Variants in ST6GAL1 observed in about 807,000 individuals in gnomAD.
ST6GAL1 encodes the protein ST6 beta-galactoside alpha-2,6-sialyltransferase 1.
A neutral mutation model predicts 38.0 loss-of-function variants in ST6GAL1; 20 were observed. That is an observed-to-expected ratio of 0.53 (90% CI 0.37 to 0.77). The LOEUF is 0.77. Ranked by LOEUF, ST6GAL1 falls within the 30% of genes least tolerant of loss-of-function variation. ST6GAL1 has a pLI of 0.00. For missense variants in ST6GAL1, 432 were observed against 496.4 expected (o/e 0.87, Z 1.23); for synonymous variants, 196 against 188.2 (o/e 1.04, Z -0.34).
chr3:187,011,053 C>T (rs1716940882), intron 2 of ST6GAL1, among the ~76,000 whole-genome samples: 2 of 152,194 alleles, frequency 1.3e-5, no homozygotes, highest in African/African-American at 4.8e-5. Flanking sequence ...GGCGTTTTCT[C>T]TAACTTGGTC....
At chr3:186,994,352 G>C (rs1716292380) in intron 2 of ST6GAL1, among the ~76,000 whole-genome samples, 1 of 152,138 alleles carries the variant, frequency 6.6e-6, no homozygotes, top group South Asian at 2.1e-4. Flanking sequence ...AGTGTAACAT[G>C]GTAGTAAACT....
intron 5 of ST6GAL1, 170 bp from the exon 6 acceptor site, chr3:187,072,679 G>A (rs912993995): frequency 1.4e-6 from 1 of 691,900 alleles, no homozygotes; most frequent in Non-Finnish European, 2.7e-6. Context: ...ACACAGTGCA[G>A]GCTGGTATCT....
At chr3:186,933,696 A>G (rs1239066756) in intron 1 of ST6GAL1, among the ~76,000 whole-genome samples, 3 of 152,234 alleles carry the variant, frequency 2.0e-5, no homozygotes, top group African/African-American at 4.8e-5. Flanking sequence ...TGCTTGCCTA[A>G]TGATACACAA....
chr3:187,044,257 A>G (rs2108581458), intron 4 of ST6GAL1, among the ~76,000 whole-genome samples: 2 of 152,356 alleles, frequency 1.3e-5, no homozygotes, highest in Admixed American at 1.3e-4. Context: ...ATTATTTGAA[A>G]TGAATCAGCT....
chr3:186,992,117 C>G (rs1384326070), intron 2 of ST6GAL1, among the ~76,000 whole-genome samples: 1 of 152,126 alleles, frequency 6.6e-6, no homozygotes, highest in Non-Finnish European at 1.5e-5. Context: ...AGTACATGAC[C>G]ATTGATATGG....
chr3:187,031,597 C>T (rs1407604628), intron 2 of ST6GAL1, among the ~76,000 whole-genome samples: 3 of 151,922 alleles, frequency 2.0e-5, no homozygotes, highest in East Asian at 3.9e-4. Context: ...CACCACGCCC[C>T]GCTAGTTTTG....
chr3:187,015,577 C>G (rs1283719902), intron 2 of ST6GAL1, among the ~76,000 whole-genome samples: 1 of 152,142 alleles, frequency 6.6e-6, no homozygotes, highest in African/African-American at 2.4e-5. Context: ...GCAGCTCACG[C>G]CTGTAATCCC....
At chr3:187,055,954 G>T (rs1318069527) in intron 5 of ST6GAL1, among the ~76,000 whole-genome samples, 1 of 152,052 alleles carries the variant, frequency 6.6e-6, no homozygotes, top group Non-Finnish European at 1.5e-5. Context: ...TCTCTTTGTA[G>T]GTCTCTGAGG....
At position 186,995,041 on chromosome 3, in the gene ST6GAL1, A is replaced by G. The variant is rs191829422; in HGVS notation, c.-183+31115A>G. The stretch of plus-strand genomic sequence containing the variant: ...AAGTAAGTATTCCTTAATACCAGAT[A>G]TGGAGTCAATATTCAATTTTCCTCA... On this transcript the variant is annotated intron_variant, in intron 2 of 7. Coordinates refer to ENST00000169298, the MANE Select transcript of ST6GAL1 (RefSeq NM_173216.2). Among the ~76,000 whole-genome samples the G allele has an allele frequency of 5.3e-5, 8 of 152,290 alleles. No homozygotes were observed. The East Asian group carries it at 1.5e-3, about 29-fold the overall frequency.
At chr3:186,950,215 G>A (rs1206642234) in intron 1 of ST6GAL1, among the ~76,000 whole-genome samples, 1 of 152,194 alleles carries the variant, frequency 6.6e-6, no homozygotes, top group East Asian at 1.9e-4. Context: ...CAGTTGGGGC[G>A]GGGGCAGCAT....
At chr3:187,003,187 A>ACC (rs71167029) in intron 2 of ST6GAL1, among the ~76,000 whole-genome samples, 3 of 151,786 alleles carry the variant, frequency 2.0e-5, no homozygotes, top group African/African-American at 7.3e-5. Flanking sequence ...ACCAAACCAA[A>ACC]ACAACAACAG....
intron 4 of ST6GAL1, among the ~76,000 whole-genome samples, chr3:187,046,906 T>G (rs182071516): frequency 4.1e-4 from 62 of 152,364 alleles, no homozygotes; most frequent in Admixed American, 2.0e-3. Flanking sequence ...AAAACTTTAT[T>G]TACAAAATGA....
chr3:187,056,322 G>T (rs2108590866), intron 5 of ST6GAL1, among the ~76,000 whole-genome samples: 1 of 152,194 alleles, frequency 6.6e-6, no homozygotes, highest in Non-Finnish European at 1.5e-5. Flanking sequence ...TTAATATTAT[G>T]TGTGCATTTG....
At chr3:186,942,756 GA>G (rs1714222054) in intron 1 of ST6GAL1, among the ~76,000 whole-genome samples, 1 of 152,176 alleles carries the variant, frequency 6.6e-6, no homozygotes, top group South Asian at 2.1e-4. Flanking sequence ...ATCATCACAG[GA>G]AGATCTGCTG....
rs1047119316 is a variant in ST6GAL1 at position 187,078,477 on chromosome 3, G to A, written c.*2674G>A. 1.3e-5 allele frequency: 2 copies of A among 152,040 alleles called. No individual in the cohort carries two copies. Among genetic ancestry groups the A allele is most frequent in the African/African-American group, 2.4e-5 (1 of 41,390 alleles). 9.4% of individuals were successfully genotyped at this position (152,040 alleles called of 1,614,324 possible). A position where few individuals can be genotyped will look rare whatever the true frequency, so the allele number is the denominator to read the frequency against. On this transcript the variant is annotated 3_prime_UTR_variant, in exon 8 of 8. Transcript: ENST00000169298. ...GGTTTGGAGTTGAGATATCAGTCTCGGAAACTTCTGAAAAATGCTAATAAT... is the reference window on the plus strand; with the variant it reads ...GGTTTGGAGTTGAGATATCAGTCTCAGAAACTTCTGAAAAATGCTAATAAT...
intron 2 of ST6GAL1, among the ~76,000 whole-genome samples, chr3:186,973,765 C>G (rs1320418213): frequency 6.6e-6 from 1 of 152,176 alleles, no homozygotes; most frequent in Non-Finnish European, 1.5e-5. Flanking sequence ...AGCTGTAGGG[C>G]AGTGCTGCAC....
chr3:186,986,993 C>T (rs140153679), intron 2 of ST6GAL1, among the ~76,000 whole-genome samples: 98 of 152,112 alleles, frequency 6.4e-4, no homozygotes, highest in African/African-American at 2.0e-3. Flanking sequence ...AAGTGATATA[C>T]AGTGAATACA....
In ST6GAL1 at chr3:187,034,037, A is replaced by G. The variant is rs368600742; in HGVS notation, c.-182-4705A>G. On this transcript the variant is annotated intron_variant, in intron 2 of 7. Transcript: ENST00000169298. The stretch of plus-strand genomic sequence containing the variant: ...GCTAGATTAACAAAGAAGAAAAGAG[A>G]GAAGATACAAATAATCACAACCAGA... 2.0e-5 allele frequency among the ~76,000 whole-genome samples: 3 copies of G among 152,294 alleles called. No homozygotes were observed. In the East Asian group the frequency reaches 5.8e-4, roughly 29 times the overall value.
chr3:186,955,923 C>T (rs1714736125), intron 1 of ST6GAL1, among the ~76,000 whole-genome samples: 1 of 152,150 alleles, frequency 6.6e-6, no homozygotes, highest in Non-Finnish European at 1.5e-5. Context: ...GATGGGAGTT[C>T]ATTCATGATT....
Sources: gnomAD v4.1 joint callset for allele counts (sites outside exome capture counted in the v4.1 genomes callset) on GRCh38, gnomAD v4.1.1 for gene constraint, MANE v1.5 for transcripts, NCBI Gene and HGNC (gene_info 2026-07-23, HGNC 2026-07-21) for gene names.